FAM221A: variants seen among roughly 807,000 people sequenced by gnomAD.
The protein encoded by FAM221A is protein FAM221A.
FAM221A carries 43 observed loss-of-function variants against 37.6 expected under a neutral mutation model. The ratio of observed to expected loss-of-function variants is 1.15; its 90% CI spans 0.90 to 1.48. The LOEUF (loss-of-function observed/expected upper bound fraction) is 1.48. Among genes scored for constraint, FAM221A ranks in the 40% most tolerant of loss-of-function variants. FAM221A has a pLI of 0.00. For synonymous variants in FAM221A, 135 were observed against 132.9 expected, an observed-to-expected ratio of 1.02 and a Z score of -0.11; for missense variants, 361 against 361.5, an observed-to-expected ratio of 1.00 and a Z score of 0.01.
chr7:23,691,722 T>A (rs1228817669), intron 4 of FAM221A, 126 bp downstream of exon 4: 1 of 843,176 alleles, frequency 1.2e-6, no homozygotes, highest in Non-Finnish European at 1.8e-6. Flanking sequence ...CTCGTTTGAT[T>A]TTTATTTTTT....
At chr7:23,692,035 GTA>G (rs1784781787) in intron 4 of FAM221A, 1 of 214,796 alleles carries the variant, frequency 4.7e-6, no homozygotes, top group Non-Finnish European at 8.3e-6. Flanking sequence ...GTTCATGTGT[GTA>G]TATGAACATA....
At chr7:23,691,680 A>G in intron 4 of FAM221A, 84 bp downstream of exon 4, 2 of 1,142,916 alleles carry the variant, frequency 1.7e-6, no homozygotes, top group Non-Finnish European at 1.3e-6. Flanking sequence ...TTGTTAAGCA[A>G]TTTATAGTAT....
At chr7:23,688,639 C>CT (rs748780946) in intron 2 of FAM221A, 21,642 of 140,952 alleles carry the variant, frequency 0.15, 1,755 homozygotes, top group Middle Eastern at 0.19. Flanking sequence ...TTTTTCTTTT[C>CT]TTTTTTTTTT....
intron 4 of FAM221A, chr7:23,694,946 A>G (rs972822473): frequency 3.3e-5 from 5 of 152,224 alleles, no homozygotes; most frequent in Admixed American, 1.3e-4. Context: ...AATTGAGATC[A>G]CATTGAATAT....
intron 1 of FAM221A, 42 bp downstream of exon 1, chr7:23,680,325 G>A (rs1156497710): frequency 1.3e-6 from 2 of 1,494,248 alleles, no homozygotes. Context: ...CCGCTCCGAG[G>A]GGCCAGGATC....
chr7:23,688,296 T>G (rs968409885), intron 2 of FAM221A: 1 of 152,226 alleles, frequency 6.6e-6, no homozygotes, highest in Non-Finnish European at 1.5e-5. Flanking sequence ...TCTGCCCGCC[T>G]CAGCCTCCCA....
At chr7:23,692,405 G>C (rs13437740) in intron 4 of FAM221A, 13,298 of 244,124 alleles carry the variant, frequency 0.054, 465 homozygotes, top group Middle Eastern at 0.08. Flanking sequence ...GCAATGGCGC[G>C]ATCTCGGCTC....
At position 23,689,299 on chromosome 7, in the gene FAM221A, G is replaced by T; in HGVS notation, c.270G>T (p.Ala90=). The T allele has an allele frequency of 6.4e-7, 1 of 1,563,288 alleles. No individual in the cohort carries two copies. The highest frequency in any genetic ancestry group is 8.8e-7 in the Non-Finnish European group (1 of 1,141,326). The change falls in exon 3 of 7, where the codon GCG becomes GCT. Residue 90 remains alanine (A), a synonymous_variant. Transcript: ENST00000344962. ...AACAACATAAAACTGACTTGGAAGC[G>T]ATTCCTCAGCAGTGCCCCATTGATC... The part of the protein sequence containing the change: ...RYKQHKTDLE[A]IPQQCPIDLP...
intron 5 of FAM221A, among the ~76,000 whole-genome samples, chr7:23,699,293 T>C (rs1451941722): frequency 6.9e-5 from 3 of 43,332 alleles, no homozygotes; most frequent in Non-Finnish European, 1.3e-4. Flanking sequence ...TTAAAAAAAC[T>C]TTTTTTTTGC....
In FAM221A at chr7:23,700,846, T is replaced by C. The variant is rs1785381960; in HGVS notation, c.806T>C (p.Phe269Ser). 5 of 1,609,236 alleles carry C rather than the reference T, an allele frequency of 3.1e-6. No homozygotes were observed. The Admixed American group carries it at 5.1e-5, about 16-fold the overall frequency. ...CCTGAAGAGGATGATATGGCTTTCT[T>C]TGAAAGACGATACCAGGAAAGGGTA... is the stretch of plus-strand genomic sequence containing the variant. ...RRPEEDDMAF[F>S]ERRYQERMKM... Residue 269 changes from phenylalanine to serine, a missense_variant, in exon 6 of 7, where the codon TTT becomes TCT. Physicochemically the swap from Phe to Ser is radical, Grantham distance 155 (BLOSUM62 -2). Coordinates refer to ENST00000344962, the MANE Select transcript of FAM221A (RefSeq NM_199136.5).
chr7:23,689,213 A>G, intron 2 of FAM221A, 56 bp from the exon 3 acceptor site: 1 of 1,157,652 alleles, frequency 8.6e-7, no homozygotes, highest in South Asian at 2.0e-5. Context: ...TAGAAATTGT[A>G]ATTTTTGATA....
intron 4 of FAM221A, chr7:23,692,676 A>G: frequency 3.0e-6 from 3 of 984,842 alleles, no homozygotes; most frequent in Non-Finnish European, 3.6e-6. Context: ...AAAGATTCAA[A>G]CAATAGAAAT....
chr7:23,685,931 C>T (rs1476110112), intron 2 of FAM221A, among the ~76,000 whole-genome samples: 1 of 152,198 alleles, frequency 6.6e-6, no homozygotes, highest in Admixed American at 6.5e-5. Context: ...CCAAGAGGAA[C>T]CACCCTATTC....
Position 23,680,247 on chromosome 7 carries a change from G to T in FAM221A, c.29G>T (p.Gly10Val). Reference protein sequence around the residue: MERLTLPLGGAAAVDEYLEY... With the variant: MERLTLPLGVAAAVDEYLEY... ...GAGCGGTTGACGTTGCCTCTCGGCG[G>T]CGCGGCGGCGGTGGACGAGTACCTG... Residue 10 changes from glycine (G) to valine (V), a missense_variant, in exon 1 of 7, where the codon GGC (glycine) becomes GTC (valine). Coordinates refer to ENST00000344962, the MANE Select transcript of FAM221A (RefSeq NM_199136.5). 1 of 1,549,384 alleles carries T rather than the reference G, an allele frequency of 6.5e-7. No individual in the cohort carries two copies. The highest frequency in any genetic ancestry group is 8.7e-7 in the Non-Finnish European group (1 of 1,146,062).
intron 4 of FAM221A, chr7:23,694,652 G>C (rs1021892203): frequency 2.0e-5 from 3 of 152,146 alleles, no homozygotes; most frequent in Non-Finnish European, 4.4e-5. Context: ...ATGAGGATAC[G>C]CAGCACAGAG....
intron 2 of FAM221A, 98 bp downstream of exon 2, chr7:23,684,770 A>G (rs1276064529): frequency 1.8e-6 from 2 of 1,107,940 alleles, no homozygotes; most frequent in Non-Finnish European, 1.3e-6. Context: ...ACATTTAACA[A>G]TTGTCCTTTA....
At chr7:23,697,147 C>G (rs1785108725) in intron 4 of FAM221A, among the ~76,000 whole-genome samples, 1 of 152,198 alleles carries the variant, frequency 6.6e-6, no homozygotes, top group Non-Finnish European at 1.5e-5. Context: ...GCACATGCAG[C>G]CGCCAGAGGG....
chr7:23,697,485 A>T (rs1785130165), intron 4 of FAM221A, among the ~76,000 whole-genome samples: 1 of 152,160 alleles, frequency 6.6e-6, no homozygotes, highest in Admixed American at 6.5e-5. Context: ...TTCATTGAAG[A>T]GGGTGCTTTC....
intron 3 of FAM221A, 84 bp from the exon 4 acceptor site, chr7:23,691,306 A>T: frequency 7.7e-7 from 1 of 1,293,404 alleles, no homozygotes; most frequent in Non-Finnish European, 1.1e-6. Flanking sequence ...ATCTAGGTTC[A>T]GCTGGCTTTT....
Sources: allele counts gnomAD v4.1 joint callset (sites outside exome capture counted in the v4.1 genomes callset), GRCh38; gene constraint gnomAD v4.1.1; transcripts MANE v1.5; gene names NCBI Gene and HGNC (gene_info 2026-07-23, HGNC 2026-07-21).